Variants in PPFIA2 observed in about 807,000 individuals in gnomAD.
PPFIA2 encodes PPFI scaffold protein A2.
Under a neutral mutation model 175.5 loss-of-function variants are expected in PPFIA2, and 46 were observed. The observed-to-expected ratio is 0.26, with a 90% CI of 0.21 to 0.34. The LOEUF (loss-of-function observed/expected upper bound fraction) is 0.34. Ranked by LOEUF, PPFIA2 falls within the 10% of genes least tolerant of loss-of-function variation. The pLI, the probability that PPFIA2 is intolerant of heterozygous loss-of-function variation, is 1.00. For missense variants in PPFIA2, 1,179 were observed against 1,506.1 expected, an observed-to-expected ratio of 0.78 and a Z score of 3.60; for synonymous variants, 568 against 511.4, an observed-to-expected ratio of 1.11 and a Z score of -1.49.
At chr12:81,743,848 A>T (rs1483142402) in intron 3 of PPFIA2, among the ~76,000 whole-genome samples, 1 of 152,326 alleles carries the variant, frequency 6.6e-6, no homozygotes, top group Non-Finnish European at 1.5e-5. Flanking sequence ...TTGACAAGAT[A>T]AAATAAAATA....
intron 3 of PPFIA2, among the ~76,000 whole-genome samples, chr12:81,719,194 T>A (rs2079021857): frequency 6.6e-6 from 1 of 151,648 alleles, no homozygotes; most frequent in Non-Finnish European, 1.5e-5. Flanking sequence ...GTACTGGACT[T>A]CATAGAAATA....
intron 4 of PPFIA2, among the ~76,000 whole-genome samples, chr12:81,624,616 T>TTA (rs1267880515): frequency 1.4e-5 from 2 of 146,168 alleles, no homozygotes; most frequent in East Asian, 2.0e-4. Flanking sequence ...TAATATATAA[T>TTA]TATATATATA....
At position 81,268,092 on chromosome 12, in the gene PPFIA2, G is replaced by C. The variant is rs745417396; in HGVS notation, c.3311-5C>G. The C allele has an allele frequency of 5.8e-6, 9 of 1,563,198 alleles. No homozygotes were observed. The African/African-American group carries it at 9.6e-5, about 17-fold the overall frequency. ...CATTGCTCCACACCAACACGTCTAG[G>C]AAAAGAGATGCATCATTTTAGGATG... is the stretch of plus-strand genomic sequence containing the variant. On this transcript the variant is annotated splice_polypyrimidine_tract_variant and splice_region_variant and intron_variant, in intron 28 of 32. Transcript: ENST00000549396.
At chr12:81,642,812 A>G (rs2065460069) in intron 4 of PPFIA2, among the ~76,000 whole-genome samples, 1 of 126,748 alleles carries the variant, frequency 7.9e-6, no homozygotes. Context: ...TGTATGTATT[A>G]CATACATGTA....
chr12:81,746,048 C>T (rs2083021109), intron 3 of PPFIA2, among the ~76,000 whole-genome samples: 1 of 125,056 alleles, frequency 8.0e-6, no homozygotes, highest in Non-Finnish European at 1.9e-5. Context: ...ACTGGTTGGA[C>T]TATATCTTAG....
At chr12:81,667,603 A>G (rs1421639305) in intron 4 of PPFIA2, among the ~76,000 whole-genome samples, 2 of 152,134 alleles carry the variant, frequency 1.3e-5, no homozygotes, top group African/African-American at 2.4e-5. Context: ...ATCAAGTAAC[A>G]GATCCCAAAT....
chr12:81,637,650 T>G (rs148962651), intron 4 of PPFIA2, among the ~76,000 whole-genome samples: 91 of 152,232 alleles, frequency 6.0e-4, no homozygotes, highest in African/African-American at 2.0e-3. Flanking sequence ...AAGCACTAGA[T>G]AATAACATTT....
chr12:81,422,783 A>T (rs1566762487), intron 7 of PPFIA2, among the ~76,000 whole-genome samples: 1 of 152,112 alleles, frequency 6.6e-6, no homozygotes, highest in Non-Finnish European at 1.5e-5. Context: ...GGACACAGCC[A>T]AATCATATCA....
chr12:81,663,383 T>G (rs551272339), intron 4 of PPFIA2, among the ~76,000 whole-genome samples: 1 of 152,122 alleles, frequency 6.6e-6, no homozygotes, highest in African/African-American at 2.4e-5. Flanking sequence ...CAAACATTCT[T>G]ATACACCAAT....
At chr12:81,566,530 C>CAAAAAAAAAAAA (rs3075452) in intron 4 of PPFIA2, among the ~76,000 whole-genome samples, 39 of 68,412 alleles carry the variant, frequency 5.7e-4, no homozygotes, top group South Asian at 1.8e-3. Flanking sequence ...GACTCCAACT[C>CAAAAAAAAAAAA]AAAAAAAAAA....
At position 81,266,941 on chromosome 12, in the gene PPFIA2, G is replaced by A; in HGVS notation, c.3555+11C>T. The stretch of plus-strand genomic sequence containing the variant: ...TCTCTCAGATCTCTTTTGAATAACA[G>A]GTGGACTTACTTCATCCAGTCGCCT... On this transcript the variant is annotated intron_variant, in intron 30 of 32. Coordinates refer to ENST00000549396, the MANE Select transcript of PPFIA2 (RefSeq NM_003625.5). The A allele has an allele frequency of 1.3e-6, 2 of 1,593,878 alleles. No individual in the cohort carries two copies. The highest frequency in any genetic ancestry group is 1.7e-6 in the Non-Finnish European group (2 of 1,162,422).
At chr12:81,289,097 C>T (rs2044226123) in intron 24 of PPFIA2, among the ~76,000 whole-genome samples, 1 of 151,764 alleles carries the variant, frequency 6.6e-6, no homozygotes, top group Non-Finnish European at 1.5e-5. Context: ...TGTGAAACAG[C>T]TATAATAAAA....
intron 7 of PPFIA2, among the ~76,000 whole-genome samples, chr12:81,407,480 CTTAAA>C (rs1181597930): frequency 1.7e-5 from 1 of 60,072 alleles, no homozygotes; most frequent in African/African-American, 7.8e-5. Context: ...GAGACTCTGT[CTTAAA>C]ATAAAATAAA....
rs182269711 is a variant in PPFIA2 at position 81,746,764 on chromosome 12, C to G, written c.249+7209G>C. Among the ~76,000 whole-genome samples, 78 of 142,778 alleles carry G rather than the reference C, an allele frequency of 5.5e-4. 6 individuals are homozygous for G. The highest frequency in any genetic ancestry group is 1.8e-3 in the Admixed American group (24 of 13,420). 93.7% of individuals were successfully genotyped at this position (142,778 alleles called of 152,430 possible). A position where few individuals can be genotyped will look rare whatever the true frequency, so the allele number is the denominator to read the frequency against. On this transcript the variant is annotated intron_variant, in intron 3 of 32. Coordinates refer to ENST00000549396, the MANE Select transcript of PPFIA2 (RefSeq NM_003625.5). ...GGATTTAGAGATAAATATTCATATA[C>G]CAGAAGGGCAATGCTTAAGACTGGA...
At chr12:81,344,582 G>T in intron 19 of PPFIA2, 82 bp downstream of exon 19, 2 of 993,534 alleles carry the variant, frequency 2.0e-6, no homozygotes, top group East Asian at 2.7e-5. Context: ...ATCAACATTC[G>T]ACTAGAGGGA....
At position 81,745,971 on chromosome 12, in the gene PPFIA2, C is replaced by A. The variant is rs1405242417; in HGVS notation, c.249+8002G>T. On this transcript the variant is annotated intron_variant, in intron 3 of 32. Coordinates refer to ENST00000549396, the MANE Select transcript of PPFIA2 (RefSeq NM_003625.5). ...ACAGCTTTCCAAAACAAAAGTATTT[C>A]TCTTTTAGCTTTTCCAACTCAATCT... Among the ~76,000 whole-genome samples the A allele has an allele frequency of 2.8e-5, 3 of 106,764 alleles. 1 individual carries two copies. Among genetic ancestry groups the A allele is most frequent in the Non-Finnish European group, 7.0e-5 (3 of 42,876 alleles). The allele number at this position is 106,764 out of a possible 152,430, so 70.0% of individuals were successfully genotyped here.
At chr12:81,673,295 C>T (rs1465708943) in intron 4 of PPFIA2, among the ~76,000 whole-genome samples, 1 of 152,018 alleles carries the variant, frequency 6.6e-6, no homozygotes, top group Non-Finnish European at 1.5e-5. Context: ...TGCATTGCAC[C>T]CCAGTACTTC....
chr12:81,517,976 A>T (rs1366270304), intron 4 of PPFIA2, among the ~76,000 whole-genome samples: 2 of 151,384 alleles, frequency 1.3e-5, no homozygotes, highest in Non-Finnish European at 2.9e-5. Context: ...CCATTAGGAG[A>T]TACACCTAAT....
intron 3 of PPFIA2, among the ~76,000 whole-genome samples, chr12:81,744,724 C>T (rs1371414612): frequency 1.3e-5 from 2 of 152,160 alleles, no homozygotes; most frequent in Non-Finnish European, 2.9e-5. Flanking sequence ...CTGCGCCCAG[C>T]CACAAGAAAT....
Sources: gnomAD v4.1 joint callset for allele counts (sites outside exome capture counted in the v4.1 genomes callset) on GRCh38, gnomAD v4.1.1 for gene constraint, MANE v1.5 for transcripts, NCBI Gene and HGNC (gene_info 2026-07-23, HGNC 2026-07-21) for gene names.